AGO2: variants seen among roughly 807,000 people sequenced by gnomAD.
AGO2 encodes the protein argonaute RISC catalytic component 2.
Under a neutral mutation model 102.3 loss-of-function variants are expected in AGO2, and 5 were observed. The ratio of observed to expected loss-of-function variants is 0.05; its 90% CI spans 0.03 to 0.10. The LOEUF (loss-of-function observed/expected upper bound fraction) is 0.10. Among genes scored for constraint, AGO2 ranks in the 10% least tolerant of loss-of-function variants. The probability of loss-of-function intolerance (pLI) is 1.00; values close to 1 mark genes in which losing one functional copy is unlikely to be tolerated. For missense variants in AGO2, 541 were observed against 1,183.7 expected, an observed-to-expected ratio of 0.46 and a Z score of 7.97; for synonymous variants, 449 against 473.1, an observed-to-expected ratio of 0.95 and a Z score of 0.66.
intron 17 of AGO2, among the ~76,000 whole-genome samples, chr8:140,534,649 A>G (rs3889488): frequency 0.25 from 37,356 of 152,214 alleles, 4,970 homozygotes; most frequent in East Asian, 0.34. Flanking sequence ...AATATTTCCA[A>G]TGGAATATTA....
At chr8:140,599,196 C>T (rs188829156) in intron 1 of AGO2, among the ~76,000 whole-genome samples, 24 of 152,322 alleles carry the variant, frequency 1.6e-4, no homozygotes, top group Admixed American at 1.2e-3. Flanking sequence ...TAGTTTCTGC[C>T]ATCCCACTGA....
chr8:140,613,048 T>C (rs1212043515), intron 1 of AGO2, among the ~76,000 whole-genome samples: 3 of 151,204 alleles, frequency 2.0e-5, no homozygotes, highest in Non-Finnish European at 3.0e-5. Context: ...AAATACAAAA[T>C]AATTAGCCAG....
intron 1 of AGO2, among the ~76,000 whole-genome samples, chr8:140,625,254 T>A (rs956519507): frequency 6.6e-6 from 1 of 152,172 alleles, no homozygotes; most frequent in Non-Finnish European, 1.5e-5. Context: ...TACAGGCGCC[T>A]GCCACCATGC....
intron 14 of AGO2, among the ~76,000 whole-genome samples, chr8:140,543,936 T>C (rs544795768): frequency 1.6e-4 from 25 of 152,340 alleles, no homozygotes; most frequent in African/African-American, 5.8e-4. Context: ...AGTCAGGCCA[T>C]GTGCAAGGGG....
chr8:140,565,991 T>C (rs2073277521), intron 3 of AGO2, among the ~76,000 whole-genome samples: 1 of 152,004 alleles, frequency 6.6e-6, no homozygotes, highest in Admixed American at 6.6e-5. Flanking sequence ...TGAGCTGTGA[T>C]TGTGCCATTG....
Position 140,559,538 on chromosome 8 carries a change from G to A in AGO2, c.656-9C>T, listed in dbSNP as rs374387940. 9.3e-5 allele frequency: 150 copies of A among 1,613,404 alleles called. No individual in the cohort carries two copies. Among genetic ancestry groups the A allele is most frequent in the Non-Finnish European group, 1.2e-4 (146 of 1,179,914 alleles). ...AAACGCTGTTGCTGACACTGTAGGC[G>A]AGAAAAGAGGCAAAGGCCTAAGCAT... On this transcript the variant is annotated splice_polypyrimidine_tract_variant and intron_variant, in intron 5 of 18. Transcript: ENST00000220592.
chr8:140,535,335 G>A (rs1048274735), intron 17 of AGO2, 133 bp downstream of exon 17: 33 of 663,692 alleles, frequency 5.0e-5, no homozygotes, highest in Non-Finnish European at 6.4e-5. Flanking sequence ...TGGGCTCCCC[G>A]GTTCCCTGGT....
chr8:140,549,340 G>A, intron 11 of AGO2, 42 bp from the exon 12 acceptor site: 1 of 1,537,282 alleles, frequency 6.5e-7, no homozygotes, highest in Non-Finnish European at 8.8e-7. Flanking sequence ...ACTGGGAATG[G>A]CAGAGAACTC....
intron 3 of AGO2, among the ~76,000 whole-genome samples, chr8:140,564,069 G>A (rs572970198): frequency 9.7e-4 from 148 of 152,346 alleles, no homozygotes; most frequent in African/African-American, 3.1e-3. Context: ...GCCGCGCCCC[G>A]AGGACCATCT....
intron 7 of AGO2, 73 bp downstream of exon 7, chr8:140,558,412 G>C: frequency 6.7e-7 from 1 of 1,482,156 alleles, no homozygotes; most frequent in Non-Finnish European, 9.4e-7. Context: ...ACAGAATCAT[G>C]GCTCCAGAGT....
Position 140,547,359 on chromosome 8 carries a change from C to T in AGO2, c.1748+109G>A. On this transcript the variant is annotated intron_variant, in intron 13 of 18. Transcript: ENST00000220592. ...CTGCTGTGGCCAGGACGGTGCTGGG[C>T]CCAGGTGAAGGGACCCTGCCCCCCT... is the stretch of plus-strand genomic sequence containing the variant. 4 of 1,358,286 alleles carry T rather than the reference C, an allele frequency of 2.9e-6. No homozygotes were observed. In the Admixed American group the frequency reaches 6.4e-5, roughly 22 times the overall value. 84.1% of individuals were successfully genotyped at this position (1,358,286 alleles called of 1,614,324 possible). A position where few individuals can be genotyped will look rare whatever the true frequency, so the allele number is the denominator to read the frequency against.
chr8:140,611,089 G>A (rs1394373682), intron 1 of AGO2, among the ~76,000 whole-genome samples: 3 of 152,174 alleles, frequency 2.0e-5, no homozygotes, highest in Admixed American at 6.5e-5. Context: ...GGAGCTTCAG[G>A]GAGGTCCCCA....
intron 17 of AGO2, among the ~76,000 whole-genome samples, chr8:140,534,582 C>T (rs757658788): frequency 1.3e-5 from 2 of 152,350 alleles, no homozygotes; most frequent in Middle Eastern, 3.4e-3. Context: ...CCACAGGCCA[C>T]GGTTCCCTAG....
At chr8:140,566,282 C>T (rs538853695) in intron 3 of AGO2, among the ~76,000 whole-genome samples, 5 of 152,256 alleles carry the variant, frequency 3.3e-5, no homozygotes, top group African/African-American at 9.6e-5. Flanking sequence ...CTCTTGCTGC[C>T]GCCATGTAAG....
chr8:140,558,442 T>G (rs1588455781), intron 7 of AGO2, 43 bp downstream of exon 7: 13 of 1,601,034 alleles, frequency 8.1e-6, no homozygotes, highest in Non-Finnish European at 1.1e-5. Flanking sequence ...GGAGTGACAG[T>G]GGGGGCCCCA....
chr8:140,576,514 C>T (rs190646190), intron 2 of AGO2, among the ~76,000 whole-genome samples: 1 of 152,138 alleles, frequency 6.6e-6, no homozygotes, highest in East Asian at 1.9e-4. Context: ...ACACAAATGG[C>T]GGGTAAGCAC....
Position 140,634,987 on chromosome 8 carries a change from G to T in AGO2, c.22+498C>A, listed in dbSNP as rs1314436787. Among the ~76,000 whole-genome samples, 3 of 151,742 alleles carry T rather than the reference G, an allele frequency of 2.0e-5. No homozygotes were observed. The South Asian group carries it at 6.2e-4, about 31-fold the overall frequency. The stretch of plus-strand genomic sequence containing the variant: ...GCCCCCTCCCCTCCCGCCCGTGCGC[G>T]CCCCGAGCCGGGCGCCCCGACCCGG... On this transcript the variant is annotated intron_variant, in intron 1 of 18. Transcript: ENST00000220592.
chr8:140,600,231 G>T (rs2073912267), intron 1 of AGO2, among the ~76,000 whole-genome samples: 1 of 152,218 alleles, frequency 6.6e-6, no homozygotes, highest in African/African-American at 2.4e-5. Flanking sequence ...AAGCTGTAAG[G>T]CACAAAAGTG....
At chr8:140,533,379 A>G (rs1160471857) in intron 17 of AGO2, among the ~76,000 whole-genome samples, 9 of 132,634 alleles carry the variant, frequency 6.8e-5, no homozygotes, top group Admixed American at 2.4e-4. Flanking sequence ...ACAGAGTGAG[A>G]CTCCGTCTCC....
Sources: gnomAD v4.1 joint callset for allele counts (sites outside exome capture counted in the v4.1 genomes callset) on GRCh38, gnomAD v4.1.1 for gene constraint, MANE v1.5 for transcripts, NCBI Gene and HGNC (gene_info 2026-07-23, HGNC 2026-07-21) for gene names.